Variants in GALNT2 observed in about 807,000 individuals in gnomAD.
GALNT2 encodes UDP-GalNAc:polypeptide N-acetylgalactosaminyltransferase 2.
In GALNT2, 31 loss-of-function variants were observed where a neutral mutation model predicts 81.4. That is an observed-to-expected ratio of 0.38 (90% CI 0.29 to 0.51). The LOEUF is 0.51. Among genes scored for constraint, GALNT2 ranks in the 20% least tolerant of loss-of-function variants. GALNT2 has a pLI of 0.87. For synonymous variants in GALNT2, 303 were observed against 287.4 expected, an observed-to-expected ratio of 1.05 and a Z score of -0.55; for missense variants, 629 against 765.7, an observed-to-expected ratio of 0.82 and a Z score of 2.11.
intron 1 of GALNT2, among the ~76,000 whole-genome samples, chr1:230,076,919 A>G (rs931149106): frequency 2.0e-5 from 3 of 152,196 alleles, no homozygotes; most frequent in Non-Finnish European, 4.4e-5. Flanking sequence ...AGACCAGTCC[A>G]GGGAGTGAAC....
chr1:230,114,676 C>T (rs1660795033), intron 1 of GALNT2, among the ~76,000 whole-genome samples: 2 of 152,110 alleles, frequency 1.3e-5, no homozygotes, highest in African/African-American at 4.8e-5. Context: ...ACCCAGTAAA[C>T]GCACTCAGCT....
At chr1:230,246,228 AGGAG>A in intron 8 of GALNT2, 78 bp downstream of exon 8, 2 of 1,096,360 alleles carry the variant, frequency 1.8e-6, no homozygotes, top group Non-Finnish European at 2.8e-6. Context: ...TCTCATTGTC[AGGAG>A]TGACAGTGAC....
At chr1:230,109,307 G>A (rs1006959480) in intron 1 of GALNT2, among the ~76,000 whole-genome samples, 3 of 152,200 alleles carry the variant, frequency 2.0e-5, no homozygotes, top group African/African-American at 7.2e-5. Flanking sequence ...GTGGTTGGGG[G>A]CCCTGCAGGC....
chr1:230,181,934 A>T (rs889707426), intron 2 of GALNT2, among the ~76,000 whole-genome samples: 3 of 152,200 alleles, frequency 2.0e-5, no homozygotes, highest in African/African-American at 7.2e-5. Context: ...TGACCAGTTC[A>T]AATTGTCTAT....
chr1:230,243,190 CG>C lies in GALNT2; in HGVS notation c.608-115del. 1 of 1,348,674 alleles carries C rather than the reference CG, an allele frequency of 7.4e-7. No individual in the cohort carries two copies. The highest frequency in any genetic ancestry group is 9.9e-7 in the Non-Finnish European group (1 of 1,010,238). The allele number at this position is 1,348,674 out of a possible 1,614,324, so 83.5% of individuals were successfully genotyped here. On this transcript the variant is annotated intron_variant, in intron 6 of 15. Transcript: ENST00000366672. This position sits in a 1 kb window ranked among gnomAD's most constrained non-coding sequence, Gnocchi z 4.2. ...CATCCAGCAAGTTTACAGTAATGTC[CG>C]TGCCCAGAAAGCAGGCTGCAGAGCT...
Position 230,235,824 on chromosome 1 carries a change from G to A in GALNT2, c.375-190G>A, listed in dbSNP as rs529222897. ...GTTCATCTCTCAGAACGTAACTCCG[G>A]TTGTGTTTTTCTGTTTCCTTATGTC... On this transcript the variant is annotated intron_variant, in intron 3 of 15. Coordinates refer to ENST00000366672, the MANE Select transcript of GALNT2 (RefSeq NM_004481.5). Among the ~76,000 whole-genome samples the A allele has an allele frequency of 3.9e-5, 6 of 152,224 alleles. No individual in the cohort carries two copies. The East Asian group carries it at 9.7e-4, about 25-fold the overall frequency.
intron 1 of GALNT2, among the ~76,000 whole-genome samples, chr1:230,127,657 A>G (rs1303548973): frequency 1.3e-5 from 2 of 150,708 alleles, no homozygotes; most frequent in African/African-American, 4.9e-5. Context: ...TACAGATGTG[A>G]GCCACTGTGC....
intron 1 of GALNT2, among the ~76,000 whole-genome samples, chr1:230,130,290 C>T (rs890583886): frequency 6.6e-6 from 1 of 152,230 alleles, no homozygotes; most frequent in Non-Finnish European, 1.5e-5. Flanking sequence ...AGCGCTGCCG[C>T]AGCCAGGCCT....
chr1:230,092,185 T>TGGTTTTTTTTTTTTG (rs371156205), intron 1 of GALNT2, among the ~76,000 whole-genome samples: 2 of 114,286 alleles, frequency 1.7e-5, no homozygotes, highest in East Asian at 4.7e-4. Flanking sequence ...AGTTTTTTTT[T>TGGTTTTTTTTTTTTG]TTTTTTTTTT....
chr1:230,248,999 T>A (rs541223412), intron 8 of GALNT2, among the ~76,000 whole-genome samples, 185 bp from the exon 9 acceptor site: 1 of 152,292 alleles, frequency 6.6e-6, no homozygotes, highest in Non-Finnish European at 1.5e-5. Context: ...TGCCGGTCTC[T>A]CTCTTCAGCT....
In GALNT2 at chr1:230,183,806, T is replaced by C. The variant is rs144509461; in HGVS notation, c.220+5495T>C. On this transcript the variant is annotated intron_variant, in intron 2 of 15. Coordinates refer to ENST00000366672, the MANE Select transcript of GALNT2 (RefSeq NM_004481.5). ...CAGCCTGGCCAACATGGTGAAACCC[T>C]GTCTCTACAAAAAATACAAAAATTA... Among the ~76,000 whole-genome samples the C allele has an allele frequency of 9.5e-3, 1,438 of 152,078 alleles. 27 individuals are homozygous for C. The highest frequency in any genetic ancestry group is 0.033 in the African/African-American group (1,376 of 41,480).
chr1:230,149,815 G>A (rs1472624716), intron 1 of GALNT2, among the ~76,000 whole-genome samples: 3 of 152,088 alleles, frequency 2.0e-5, no homozygotes, highest in Admixed American at 2.0e-4. Context: ...ACCTCCCTCT[G>A]GTCTTTCCTG....
chr1:230,115,423 C>G (rs2102794690), intron 1 of GALNT2, among the ~76,000 whole-genome samples: 1 of 152,298 alleles, frequency 6.6e-6, no homozygotes, highest in African/African-American at 2.4e-5. Context: ...TTTTTGGTTT[C>G]CTAGTGCATA....
At chr1:230,234,370 T>C (rs1664960166) in intron 3 of GALNT2, among the ~76,000 whole-genome samples, 1 of 152,214 alleles carries the variant, frequency 6.6e-6, no homozygotes, top group Non-Finnish European at 1.5e-5. Context: ...GCACTCAGCA[T>C]GCCAAAGCAA....
At chr1:230,074,037 C>T (rs1255692280) in intron 1 of GALNT2, among the ~76,000 whole-genome samples, 5 of 151,708 alleles carry the variant, frequency 3.3e-5, no homozygotes, top group African/African-American at 4.8e-5. Context: ...AGGGTACTTT[C>T]GGGACTGTGG....
At chr1:230,248,344 C>G (rs984786842) in intron 8 of GALNT2, among the ~76,000 whole-genome samples, 2 of 152,204 alleles carry the variant, frequency 1.3e-5, no homozygotes, top group African/African-American at 4.8e-5. Flanking sequence ...TTAGGTTTTG[C>G]TGTCAGACCC....
At chr1:230,159,823 G>A (rs892657932) in intron 1 of GALNT2, among the ~76,000 whole-genome samples, 6 of 152,158 alleles carry the variant, frequency 3.9e-5, no homozygotes, top group Non-Finnish European at 8.8e-5. Flanking sequence ...TCCTTGAATC[G>A]CTGTTTCATT....
chr1:230,109,206 G>A (rs913555148), intron 1 of GALNT2, among the ~76,000 whole-genome samples: 3 of 152,218 alleles, frequency 2.0e-5, no homozygotes, highest in Admixed American at 6.5e-5. Context: ...GCGGACCCCC[G>A]TAGATGGGAT....
chr1:230,204,036 G>C (rs1436026941), intron 3 of GALNT2, among the ~76,000 whole-genome samples: 1 of 152,098 alleles, frequency 6.6e-6, no homozygotes, highest in Non-Finnish European at 1.5e-5. Flanking sequence ...TAGAGGTGAA[G>C]TCTCTCCATT....
Sources: allele counts gnomAD v4.1 joint callset (sites outside exome capture counted in the v4.1 genomes callset), GRCh38; gene constraint gnomAD v4.1.1; non-coding constraint Gnocchi (gnomAD v3.1); transcripts MANE v1.5; gene names NCBI Gene and HGNC (gene_info 2026-07-23, HGNC 2026-07-21).